The following ELMO1 variants were observed in gnomAD, a reference collection of about 807,000 sequenced individuals.
The protein encoded by ELMO1 is engulfment and cell motility protein 1.
A neutral mutation model predicts 98.9 loss-of-function variants in ELMO1; 26 were observed. The ratio of observed to expected loss-of-function variants is 0.26; its 90% CI spans 0.19 to 0.36. ELMO1 has a LOEUF of 0.36. Ranked by LOEUF, ELMO1 falls within the 10% of genes least tolerant of loss-of-function variation. ELMO1 has a pLI of 1.00. For missense variants in ELMO1, 627 were observed against 935.2 expected, an observed-to-expected ratio of 0.67 and a Z score of 4.30; for synonymous variants, 346 against 346.0, an observed-to-expected ratio of 1.00 and a Z score of 0.00.
chr7:36,969,827 T>C (rs891002573), intron 16 of ELMO1, among the ~76,000 whole-genome samples: 1 of 152,302 alleles, frequency 6.6e-6, no homozygotes, highest in South Asian at 2.1e-4. Flanking sequence ...TAAATCATAT[T>C]TCTTTAATAA....
At chr7:37,255,115 C>T (rs1361364470) in intron 6 of ELMO1, among the ~76,000 whole-genome samples, 1 of 152,002 alleles carries the variant, frequency 6.6e-6, no homozygotes, top group Non-Finnish European at 1.5e-5. Flanking sequence ...GAAGTGTGGC[C>T]CCTCATAATT....
chr7:37,109,711 G>A (rs1448316801), intron 14 of ELMO1, among the ~76,000 whole-genome samples: 1 of 152,264 alleles, frequency 6.6e-6, no homozygotes, highest in East Asian at 1.9e-4. Flanking sequence ...TTGGTTAACA[G>A]TTCTGATTCC....
chr7:36,880,247 C>A (rs1030830879), intron 18 of ELMO1, among the ~76,000 whole-genome samples: 2 of 152,170 alleles, frequency 1.3e-5, no homozygotes, highest in Non-Finnish European at 2.9e-5. Context: ...TGAGTTAGGT[C>A]TTGGCCTGTG....
chr7:36,997,500 G>A (rs988738984), intron 16 of ELMO1, among the ~76,000 whole-genome samples: 2 of 152,132 alleles, frequency 1.3e-5, no homozygotes, highest in African/African-American at 2.4e-5. Context: ...AGAGAGAAAA[G>A]GTAGGGAAGC....
At chr7:37,251,601 A>G (rs1216869562) in intron 6 of ELMO1, among the ~76,000 whole-genome samples, 2 of 152,222 alleles carry the variant, frequency 1.3e-5, no homozygotes, top group East Asian at 1.9e-4. Flanking sequence ...AGAGCTATTT[A>G]TGACAAACCC....
At chr7:36,957,521 G>T (rs542634511) in intron 16 of ELMO1, among the ~76,000 whole-genome samples, 2 of 152,112 alleles carry the variant, frequency 1.3e-5, no homozygotes, top group Non-Finnish European at 2.9e-5. Context: ...CCTCACAGAT[G>T]ATCTACCCAA....
chr7:37,184,489 C>G (rs139264603), intron 13 of ELMO1, among the ~76,000 whole-genome samples: 1 of 152,180 alleles, frequency 6.6e-6, no homozygotes, highest in Non-Finnish European at 1.5e-5. Context: ...TTGCTCTACA[C>G]GGTCAAGGCC....
chr7:37,448,341 G>A (rs1273234839), intron 1 of ELMO1, among the ~76,000 whole-genome samples: 1 of 147,318 alleles, frequency 6.8e-6, no homozygotes, highest in Non-Finnish European at 1.5e-5. Flanking sequence ...ATGTCTCGGC[G>A]GGCTCCCGGG....
chr7:37,118,732 C>CAG (rs754079280), intron 14 of ELMO1, among the ~76,000 whole-genome samples: 1 of 152,178 alleles, frequency 6.6e-6, no homozygotes, highest in Admixed American at 6.5e-5. Context: ...AAGTACCAGG[C>CAG]AGATAACCAG....
At chr7:37,390,649 A>C (rs1448155771) in intron 1 of ELMO1, among the ~76,000 whole-genome samples, 2 of 152,202 alleles carry the variant, frequency 1.3e-5, no homozygotes, top group African/African-American at 2.4e-5. Flanking sequence ...AAAAAAATCA[A>C]ACAGATATCA....
At chr7:37,100,926 T>C (rs1440144187) in intron 14 of ELMO1, among the ~76,000 whole-genome samples, 1 of 152,230 alleles carries the variant, frequency 6.6e-6, no homozygotes, top group Non-Finnish European at 1.5e-5. Context: ...AGACCTTACA[T>C]AAAACCCAAT....
At chr7:37,100,444 T>G (rs911650845) in intron 14 of ELMO1, among the ~76,000 whole-genome samples, 1 of 152,202 alleles carries the variant, frequency 6.6e-6, no homozygotes, top group East Asian at 1.9e-4. Flanking sequence ...GACCATGAAG[T>G]GTTGAGTCCA....
At chr7:37,349,455 T>C (rs1043951094) in intron 1 of ELMO1, among the ~76,000 whole-genome samples, 2 of 152,072 alleles carry the variant, frequency 1.3e-5, no homozygotes, top group African/African-American at 4.8e-5. Flanking sequence ...TCACTTTTTT[T>C]TTCTTTTTCT....
At chr7:36,988,086 C>T (rs1486880775) in intron 16 of ELMO1, among the ~76,000 whole-genome samples, 1 of 152,170 alleles carries the variant, frequency 6.6e-6, no homozygotes, top group Non-Finnish European at 1.5e-5. Flanking sequence ...TGGATTTGTA[C>T]CTTCAAGAAT....
chr7:37,062,795 A>G (rs762784810), intron 15 of ELMO1, among the ~76,000 whole-genome samples: 4 of 152,202 alleles, frequency 2.6e-5, no homozygotes, highest in Non-Finnish European at 5.9e-5. Context: ...AAGGGAAACC[A>G]CAGTTAGGTC....
chr7:37,428,200 C>T (rs1423728691), intron 1 of ELMO1, among the ~76,000 whole-genome samples: 4 of 151,802 alleles, frequency 2.6e-5, no homozygotes, highest in Admixed American at 2.0e-4. Context: ...AGGTCAAAGG[C>T]ACAAAACAGT....
At chr7:37,038,552 AATC>A (rs1795322821) in intron 15 of ELMO1, among the ~76,000 whole-genome samples, 1 of 152,170 alleles carries the variant, frequency 6.6e-6, no homozygotes, top group Non-Finnish European at 1.5e-5. Flanking sequence ...TGAATTTTCT[AATC>A]ATCACCTACA....
At chr7:37,380,362 C>A (rs1336596043) in intron 1 of ELMO1, among the ~76,000 whole-genome samples, 1 of 152,128 alleles carries the variant, frequency 6.6e-6, no homozygotes, top group Non-Finnish European at 1.5e-5. Flanking sequence ...TCACTGACAC[C>A]CATTTCCCAG....
At chr7:36,936,241 G>C (rs186779036) in intron 16 of ELMO1, among the ~76,000 whole-genome samples, 47 of 152,258 alleles carry the variant, frequency 3.1e-4, no homozygotes, top group Non-Finnish European at 6.3e-4. Flanking sequence ...ATTCTGAAGA[G>C]ACCCCTGTCT....
Sources: gnomAD v4.1 joint callset for allele counts (sites outside exome capture counted in the v4.1 genomes callset) on GRCh38, gnomAD v4.1.1 for gene constraint, MANE v1.5 for transcripts, NCBI Gene and HGNC (gene_info 2026-07-23, HGNC 2026-07-21) for gene names.